The following COA1 variants were observed in gnomAD, a reference collection of about 807,000 sequenced individuals.
The protein encoded by COA1 is cytochrome c oxidase assembly factor 1, also known as cytochrome c oxidase assembly factor 1 homolog.
Under a neutral mutation model 16.0 loss-of-function variants are expected in COA1, and 13 were observed. The observed-to-expected ratio is 0.81, with a 90% CI of 0.53 to 1.29. The LOEUF is 1.29. Among genes scored for constraint, COA1 ranks in the 50% most tolerant of loss-of-function variants. COA1 has a pLI of 0.00. For synonymous variants in COA1, 65 were observed against 65.7 expected (o/e 0.99, Z 0.05); for missense variants, 179 against 177.0 (o/e 1.01, Z -0.06).
downstream of COA1, among the ~76,000 whole-genome samples, chr7:43,635,098 T>G (rs2085643165): frequency 6.6e-6 from 1 of 152,216 alleles, no homozygotes; most frequent in African/African-American, 2.4e-5. Context: ...AATGTGGTCC[T>G]AGAAAGTAGC....
intron 1 of COA1, among the ~76,000 whole-genome samples, chr7:43,676,389 T>C (rs2129964246): frequency 6.6e-6 from 1 of 152,244 alleles, no homozygotes; most frequent in South Asian, 2.1e-4. Context: ...AAATGTGGTA[T>C]ATATACGCAA....
intron 1 of COA1, among the ~76,000 whole-genome samples, chr7:43,668,043 T>C (rs1373691825): frequency 2.0e-5 from 3 of 152,210 alleles, no homozygotes; most frequent in Non-Finnish European, 2.9e-5. Flanking sequence ...CAGGACACAA[T>C]TGGTAAAACT....
At chr7:43,708,388 G>T (rs183711940) in intron 1 of COA1, among the ~76,000 whole-genome samples, 1 of 146,188 alleles carries the variant, frequency 6.8e-6, no homozygotes, top group Non-Finnish European at 1.6e-5. Flanking sequence ...TTGAGCCTGG[G>T]AGGTCAAGAC....
chr7:43,691,427 AAGAAAGAAAG>A lies in COA1; in HGVS notation c.-39+37992_-39+38001del, dbSNP rs1563385859. Among the ~76,000 whole-genome samples, 393 of 61,454 alleles carry A rather than the reference AAGAAAGAAAG, an allele frequency of 6.4e-3. 9 individuals carry two copies. Among genetic ancestry groups the A allele is most frequent in the African/African-American group, 0.021 (360 of 16,768 alleles). The allele number at this position is 61,454 out of a possible 152,430, so 40.3% of individuals were successfully genotyped here. A position where few individuals can be genotyped will look rare whatever the true frequency, so the allele number is the denominator to read the frequency against. Reference sequence around the variant, plus strand: ...AGGAAGGAAGGAAGAAAGAAAAAGAAAGAAAGAAAGAAAGAAAGAAAGAAAGAAAGAAAGA... The same window carrying A: ...AGGAAGGAAGGAAGAAAGAAAAAGAAAAAGAAAGAAAGAAAGAAAGAAAGA... On this transcript the variant is annotated intron_variant, in intron 1 of 5. Transcript: ENST00000223336.
At chr7:43,670,860 C>T (rs1436775267) in intron 1 of COA1, among the ~76,000 whole-genome samples, 1 of 152,150 alleles carries the variant, frequency 6.6e-6, no homozygotes, top group Non-Finnish European at 1.5e-5. Flanking sequence ...TAAGGTAGTG[C>T]CTGGCTCACA....
chr7:43,630,439 G>A (rs2085061104), intron 6 of COA1, among the ~76,000 whole-genome samples: 1 of 152,124 alleles, frequency 6.6e-6, no homozygotes, highest in African/African-American at 2.4e-5. Flanking sequence ...TATCTCTTTA[G>A]TTATCTCAAG....
intron 1 of COA1, chr7:43,650,669 C>T (rs1046523554): frequency 6.6e-6 from 1 of 152,068 alleles, no homozygotes; most frequent in Non-Finnish European, 1.5e-5. Context: ...AAAGCCCTCG[C>T]CAGGACTCAG....
chr7:43,715,932 G>A lies in COA1; in HGVS notation c.-39+13497C>T, dbSNP rs535758083. Among the ~76,000 whole-genome samples, 71 of 152,264 alleles carry A rather than the reference G, an allele frequency of 4.7e-4. 1 individual carries two copies. The highest frequency in any genetic ancestry group is 1.6e-3 in the African/African-American group (68 of 41,562). On this transcript the variant is annotated intron_variant, in intron 1 of 5. Transcript: ENST00000223336. ...CTCAAGAGATCTGATGGTTTTATCA[G>A]GGGTTTCCGCTTTTGCATCCTCCTC...
chr7:43,686,529 C>T (rs62461091), intron 1 of COA1, among the ~76,000 whole-genome samples: 12,963 of 151,974 alleles, frequency 0.085, 652 homozygotes, highest in East Asian at 0.19. Context: ...CTCCTGACCT[C>T]GTGATCCGCC....
rs1232562622 is a variant in COA1 at position 43,644,759 on chromosome 7, T to TAGATAGATAGGC, written c.264+491_264+492insGCCTATCTATCT. Among the ~76,000 whole-genome samples, 34 of 114,680 alleles carry TAGATAGATAGGC rather than the reference T, an allele frequency of 3.0e-4. 1 individual carries two copies. The highest frequency in any genetic ancestry group is 1.1e-3 in the South Asian group (4 of 3,624). The allele number at this position is 114,680 out of a possible 152,430, so 75.2% of individuals were successfully genotyped here. The stretch of plus-strand genomic sequence containing the variant: ...ATAGATAGATAGATAGATAGATAGA[T>TAGATAGATAGGC]AGGCAGGCAGGCAGGCAGGCAGGCA... On this transcript the variant is annotated intron_variant, in intron 4 of 5. Coordinates refer to ENST00000223336, the MANE Select transcript of COA1 (RefSeq NM_018224.4).
intron 1 of COA1, chr7:43,649,388 A>C (rs2090294112): frequency 6.6e-6 from 1 of 152,262 alleles, no homozygotes; most frequent in Non-Finnish European, 1.5e-5. Context: ...AATTAAAGCA[A>C]TATTGAAATG....
chr7:43,623,490 A>C, intron 6 of COA1: 1 of 1,178,996 alleles, frequency 8.5e-7, no homozygotes, highest in Non-Finnish European at 1.2e-6. Context: ...TATAGTTTCT[A>C]ATGCTTAGTT....
chr7:43,697,657 A>G (rs2094573958), intron 1 of COA1, among the ~76,000 whole-genome samples: 1 of 152,226 alleles, frequency 6.6e-6, no homozygotes, highest in South Asian at 2.1e-4. Context: ...ATTGAAATGA[A>G]TGGTAAAGCT....
rs1013670824 is a variant in COA1, at chr7:43,653,465, GTTTT to G, written c.-38-4817_-38-4814del. ...AAGCATGTGAGTAAACATGATAAAA[GTTTT>G]TTTAAGTAAAAGACTATGAAATTAA... On this transcript the variant is annotated intron_variant, in intron 1 of 5. Coordinates refer to ENST00000223336, the MANE Select transcript of COA1 (RefSeq NM_018224.4). Among the ~76,000 whole-genome samples the G allele has an allele frequency of 9.9e-5, 15 of 152,182 alleles. 1 individual carries two copies. In the South Asian group the frequency reaches 2.5e-3, roughly 25 times the overall value.
intron 6 of COA1, chr7:43,619,560 G>A: frequency 1.9e-6 from 3 of 1,605,686 alleles, no homozygotes; most frequent in Non-Finnish European, 2.6e-6. Flanking sequence ...CTTAATCATA[G>A]TTATATTGAT....
At chr7:43,626,716 A>T (rs1342837544) in intron 6 of COA1, 2 of 152,248 alleles carry the variant, frequency 1.3e-5, no homozygotes, top group East Asian at 3.8e-4. Flanking sequence ...TCTGTCATCA[A>T]GTTTTAAAAT....
intron 4 of COA1, among the ~76,000 whole-genome samples, chr7:43,644,795 G>GACAGAC (rs1238574851): frequency 9.0e-5 from 10 of 111,634 alleles, no homozygotes; most frequent in Admixed American, 1.8e-4. Flanking sequence ...GGCAGGCAGA[G>GACAGAC]AGACAGAGAG....
intron 4 of COA1, among the ~76,000 whole-genome samples, chr7:43,644,715 TAGA>T (rs2088306580): frequency 1.2e-5 from 1 of 83,070 alleles, no homozygotes; most frequent in African/African-American, 4.5e-5. Context: ...ATAGATTAGA[TAGA>T]TAGATAGATA....
chr7:43,722,159 C>T (rs371605088), intron 1 of COA1, among the ~76,000 whole-genome samples: 2 of 150,836 alleles, frequency 1.3e-5, no homozygotes. Flanking sequence ...GGCGCCACTG[C>T]AACTCACTAC....
Sources: gnomAD v4.1 joint callset for allele counts (sites outside exome capture counted in the v4.1 genomes callset) on GRCh38, gnomAD v4.1.1 for gene constraint, MANE v1.5 for transcripts, NCBI Gene and HGNC (gene_info 2026-07-23, HGNC 2026-07-21) for gene names.